The following FOXP2 variants were observed in gnomAD, a reference collection of about 807,000 sequenced individuals.
FOXP2 encodes the protein forkhead box protein P2.
A neutral mutation model predicts 115.8 loss-of-function variants in FOXP2; 12 were observed. That is an observed-to-expected ratio of 0.10 (90% confidence interval 0.07 to 0.17). The LOEUF (loss-of-function observed/expected upper bound fraction) is 0.17, where lower values mean the gene tolerates loss of function less well. Among genes scored for constraint, FOXP2 ranks in the 10% least tolerant of loss-of-function variants. FOXP2 has a pLI of 1.00. For synonymous variants in FOXP2, 328 were observed against 297.7 expected (o/e 1.10, Z -1.05); for missense variants, 629 against 843.5 (o/e 0.75, Z 3.15).
intron 3 of FOXP2, among the ~76,000 whole-genome samples, chr7:114,537,305 G>C (rs1327299788): frequency 1.3e-5 from 2 of 151,544 alleles, no homozygotes; most frequent in East Asian, 1.9e-4. Context: ...TGCAAGGCAA[G>C]ATATTTGGTA....
At chr7:114,415,457 T>C in intron 1 of FOXP2, 97 bp downstream of exon 1, 1 of 364,222 alleles carries the variant, frequency 2.7e-6, no homozygotes, top group Non-Finnish European at 5.3e-6. Context: ...TGCTTTACTT[T>C]TTTTTTTTTC....
At chr7:114,543,082 G>A (rs552633534) in intron 3 of FOXP2, among the ~76,000 whole-genome samples, 1 of 151,970 alleles carries the variant, frequency 6.6e-6, no homozygotes, top group Non-Finnish European at 1.5e-5. Flanking sequence ...TACCCGGCCT[G>A]TTCTTTCAAA....
intron 2 of FOXP2, among the ~76,000 whole-genome samples, chr7:114,368,786 C>T (rs1047684073): frequency 6.6e-6 from 1 of 152,180 alleles, no homozygotes; most frequent in Non-Finnish European, 1.5e-5. Context: ...GACATAGTTG[C>T]TGACTAGACC....
At chr7:114,670,278 G>A (rs942913948) in intron 16 of FOXP2, among the ~76,000 whole-genome samples, 23 of 152,062 alleles carry the variant, frequency 1.5e-4, no homozygotes, top group Admixed American at 5.2e-4. Flanking sequence ...TTAATTTATT[G>A]TGTCCTTAGA....
intron 4 of FOXP2, chr7:114,629,498 T>A (rs181946238): frequency 9.1e-7 from 1 of 1,093,536 alleles, no homozygotes; most frequent in Admixed American, 2.2e-5. Flanking sequence ...TAGCCTAGTT[T>A]TTATGTGTCA....
chr7:114,452,094 G>A (rs1188284946), intron 2 of FOXP2, among the ~76,000 whole-genome samples: 255 of 151,850 alleles, frequency 1.7e-3, no homozygotes, highest in Non-Finnish European at 2.8e-3. Flanking sequence ...AAAATCATAG[G>A]TAAATTTGTA....
Position 114,155,873 on chromosome 7 carries a change from T to C in FOXP2, c.-246-7071T>C, listed in dbSNP as rs115668817. 3.6e-3 allele frequency among the ~76,000 whole-genome samples: 552 copies of C among 152,238 alleles called. 4 individuals are homozygous for C. The highest frequency in any genetic ancestry group is 0.013 in the African/African-American group (527 of 41,544). ...CAAATGTGCGGTTTGACCTTTTGAC[T>C]TGGAGTTTTGTATGTCAGCATGTTT... On this transcript the variant is annotated intron_variant, in intron 1 of 19. Transcript: ENST00000635638.
chr7:114,276,116 G>A (rs966100358), intron 1 of FOXP2, among the ~76,000 whole-genome samples: 1 of 152,068 alleles, frequency 6.6e-6, no homozygotes, highest in African/African-American at 2.4e-5. Context: ...TGAGATCAAG[G>A]CTTGTTGAGA....
intron 2 of FOXP2, among the ~76,000 whole-genome samples, chr7:114,429,716 T>C (rs1794020299): frequency 6.6e-6 from 1 of 151,570 alleles, no homozygotes; most frequent in Non-Finnish European, 1.5e-5. Flanking sequence ...TTTGAAGGTG[T>C]TTCAGGTGAT....
chr7:114,326,490 C>T (rs1460100969), intron 2 of FOXP2, among the ~76,000 whole-genome samples: 1 of 152,114 alleles, frequency 6.6e-6, no homozygotes, highest in Non-Finnish European at 1.5e-5. Context: ...ATGTAAAGCC[C>T]TAAGCTTCAT....
chr7:114,142,232 C>T (rs547725788), intron 1 of FOXP2, among the ~76,000 whole-genome samples: 93 of 152,204 alleles, frequency 6.1e-4, no homozygotes, highest in African/African-American at 1.9e-3. Context: ...TCACATTGGC[C>T]AGGCTAATCT....
chr7:114,500,126 G>A (rs996296678), intron 2 of FOXP2, among the ~76,000 whole-genome samples: 1 of 148,846 alleles, frequency 6.7e-6, no homozygotes, highest in South Asian at 2.1e-4. Flanking sequence ...TGAGGCAGGA[G>A]AATGGCGTGA....
At chr7:114,288,010 T>C (rs1229045539) in intron 1 of FOXP2, 1 of 446,458 alleles carries the variant, frequency 2.2e-6, no homozygotes, top group Admixed American at 2.4e-5. Flanking sequence ...TATTTGTCTC[T>C]ATTAACAGGT....
At chr7:114,685,920 A>G (rs905864098) in intron 16 of FOXP2, among the ~76,000 whole-genome samples, 1 of 152,092 alleles carries the variant, frequency 6.6e-6, no homozygotes, top group Non-Finnish European at 1.5e-5. Flanking sequence ...TCATAAGATG[A>G]ACTATGAACT....
At position 114,690,934 on chromosome 7, in the gene FOXP2, C is replaced by A; in HGVS notation, c.*1008C>A. 1 of 454,454 alleles carries A rather than the reference C, an allele frequency of 2.2e-6. No homozygotes were observed. Among genetic ancestry groups the A allele is most frequent in the East Asian group, 6.9e-5 (1 of 14,396 alleles). The allele number at this position is 454,454 out of a possible 1,614,324, so 28.2% of individuals were successfully genotyped here. On this transcript the variant is annotated 3_prime_UTR_variant, in exon 17 of 17. Transcript: ENST00000350908. ...GAAACAAATATGACAAAAACCACAA[C>A]TAAAAAATGTTAATTCAGTCACAGA...
intron 1 of FOXP2, among the ~76,000 whole-genome samples, chr7:114,172,764 AAAG>A (rs1180693319): frequency 2.0e-5 from 3 of 152,304 alleles, no homozygotes; most frequent in Non-Finnish European, 4.4e-5. Flanking sequence ...TCAAAGTAAA[AAAG>A]AATTAAAAAG....
chr7:114,125,765 C>A (rs1300511333), intron 1 of FOXP2, among the ~76,000 whole-genome samples: 1 of 152,060 alleles, frequency 6.6e-6, no homozygotes, highest in East Asian at 1.9e-4. Context: ...TAGAGAAGGG[C>A]ATCAGTAGAG....
chr7:114,556,889 T>A (rs953023447), intron 3 of FOXP2, among the ~76,000 whole-genome samples: 1 of 152,212 alleles, frequency 6.6e-6, no homozygotes, highest in Non-Finnish European at 1.5e-5. Context: ...AAAAAATTAG[T>A]AACTTTAAAG....
In FOXP2 at chr7:114,374,664, AT is replaced by A. The variant is rs1792097021; in HGVS notation, c.-10-51835del. On this transcript the variant is annotated intron_variant, in intron 2 of 17. Transcript: ENST00000634411. ...TTATTTCCTACTTTGACTTATAATC[AT>A]TTGTGCACTATTGTTTATCCCCCCC... 2.0e-5 allele frequency among the ~76,000 whole-genome samples: 3 copies of A among 152,208 alleles called. No homozygotes were observed. The South Asian group carries it at 6.2e-4, about 32-fold the overall frequency.
Sources: gnomAD v4.1 joint callset for allele counts (sites outside exome capture counted in the v4.1 genomes callset) on GRCh38, gnomAD v4.1.1 for gene constraint, MANE v1.5 for transcripts, NCBI Gene and HGNC (gene_info 2026-07-23, HGNC 2026-07-21) for gene names.